Variants in TMEM39A observed in about 807,000 individuals in gnomAD.
The protein encoded by TMEM39A is suppressor of SQST-1 aggregates in rpl-43 mutants.
A neutral mutation model predicts 51.9 loss-of-function variants in TMEM39A; 19 were observed. The observed-to-expected ratio is 0.37, with a 90% CI of 0.26 to 0.54. The LOEUF is 0.54. Ranked by LOEUF, TMEM39A falls within the 20% of genes least tolerant of loss-of-function variation. The pLI, the probability that TMEM39A is intolerant of heterozygous loss-of-function variation, is 0.88. For missense variants in TMEM39A, 433 were observed against 590.5 expected (o/e 0.73, Z 2.76); for synonymous variants, 197 against 220.2 (o/e 0.89, Z 0.93).
At position 119,438,033 on chromosome 3, in the gene TMEM39A, T is replaced by C. The variant is rs749783110; in HGVS notation, c.646A>G (p.Asn216Asp). 6.8e-6 allele frequency: 11 copies of C among 1,611,086 alleles called. No homozygotes were observed. The highest frequency in any genetic ancestry group is 9.3e-6 in the Non-Finnish European group (11 of 1,177,520). The change falls in exon 6 of 9, where the codon AAC (asparagine) becomes GAC (aspartate). Residue 216 changes from asparagine to aspartate, a missense_variant. This residue lies in a region of TMEM39A where 40 missense variants were observed against 22.6 expected (regional missense o/e 1.77). Coordinates refer to ENST00000319172, the MANE Select transcript of TMEM39A (RefSeq NM_018266.3). ...SRAHLLLTDY[N>D]YVVQHEAVEE... ...ACTGCCTCGTGCTGAACCACATAGT[T>C]GTAGTCTGTGAGAAGAAGATGTGCT...
intron 4 of TMEM39A, among the ~76,000 whole-genome samples, chr3:119,450,871 A>G (rs1034913620): frequency 6.7e-6 from 1 of 149,886 alleles, no homozygotes; most frequent in Admixed American, 6.6e-5. Context: ...GCCTATTCCA[A>G]CTAAGGCTAT....
intron 8 of TMEM39A, among the ~76,000 whole-genome samples, chr3:119,433,893 C>G (rs2080931792): frequency 6.6e-6 from 1 of 152,208 alleles, no homozygotes. Context: ...GTTCCCAAAA[C>G]TTAATTGAAG....
rs2080883561 is a variant in TMEM39A at position 119,430,389 on chromosome 3, CTACTACCAGGGAATGTTATAT to C, written c.*1571_*1591del. On this transcript the variant is annotated 3_prime_UTR_variant, in exon 9 of 9. Transcript: ENST00000319172. ...TGATTTCCCTTTGCTACACTTATCA[CTACTACCAGGGAATGTTATAT>C]TACACATAAATTTATTTGCTGTATT... The C allele has an allele frequency of 6.6e-6, 1 of 152,076 alleles. No individual in the cohort carries two copies. Among genetic ancestry groups the C allele is most frequent in the African/African-American group, 2.4e-5 (1 of 41,414 alleles). 9.4% of individuals were successfully genotyped at this position (152,076 alleles called of 1,614,324 possible).
intron 3 of TMEM39A, among the ~76,000 whole-genome samples, chr3:119,457,154 T>A (rs1675065489): frequency 6.6e-6 from 1 of 151,918 alleles, no homozygotes; most frequent in South Asian, 2.1e-4. Context: ...ATATTTTTAA[T>A]GGAGACAGGG....
chr3:119,457,358 A>G (rs2081280072), intron 3 of TMEM39A, among the ~76,000 whole-genome samples: 1 of 152,164 alleles, frequency 6.6e-6, no homozygotes, highest in Admixed American at 6.5e-5. Flanking sequence ...CAATTTCTCA[A>G]TTTCACTTCC....
Position 119,436,994 on chromosome 3 carries a change from A to C in TMEM39A, c.925-16T>G. The C allele has an allele frequency of 6.2e-7, 1 of 1,603,286 alleles. No homozygotes were observed. Among genetic ancestry groups the C allele is most frequent in the Non-Finnish European group, 8.5e-7 (1 of 1,171,472 alleles). ...ACTGGGTACTCTGGAAGAGATCAGA[A>C]GAGAGAGAAATGATCCATGCACTGG... is the stretch of plus-strand genomic sequence containing the variant. On this transcript the variant is annotated splice_polypyrimidine_tract_variant and intron_variant, in intron 6 of 8. Coordinates refer to ENST00000319172, the MANE Select transcript of TMEM39A (RefSeq NM_018266.3).
chr3:119,449,296 G>A (rs538952325), intron 4 of TMEM39A, among the ~76,000 whole-genome samples: 9 of 152,214 alleles, frequency 5.9e-5, no homozygotes, highest in South Asian at 4.2e-4. Flanking sequence ...GTCTTTGGCC[G>A]GGTGCAATGG....
intron 2 of TMEM39A, 31 bp from the exon 3 acceptor site, chr3:119,458,271 G>C: frequency 6.3e-7 from 1 of 1,576,288 alleles, no homozygotes; most frequent in Non-Finnish European, 8.7e-7. Flanking sequence ...TAACTCAAAT[G>C]GTGATAACCT....
chr3:119,435,993 G>A, intron 7 of TMEM39A: 1 of 1,226,648 alleles, frequency 8.2e-7, no homozygotes, highest in Non-Finnish European at 1.1e-6. Flanking sequence ...GAGAGGGAAA[G>A]GGAAGGTCAC....
chr3:119,437,376 C>T (rs2080984155), intron 6 of TMEM39A, among the ~76,000 whole-genome samples: 1 of 151,970 alleles, frequency 6.6e-6, no homozygotes, highest in Admixed American at 6.6e-5. Flanking sequence ...TAGATAAGGG[C>T]TAGATTAAAT....
intron 7 of TMEM39A, chr3:119,435,607 C>T: frequency 1.0e-6 from 1 of 982,204 alleles, no homozygotes; most frequent in Non-Finnish European, 1.2e-6. Context: ...TAAGTTAATT[C>T]ATCTCTTCCT....
At position 119,462,003 on chromosome 3, in the gene TMEM39A, C is replaced by T; in HGVS notation, c.72G>A (p.Leu24=). 1 of 1,614,144 alleles carries T rather than the reference C, an allele frequency of 6.2e-7. No homozygotes were observed. The highest frequency in any genetic ancestry group is 8.5e-7 in the Non-Finnish European group (1 of 1,180,004). The stretch of plus-strand genomic sequence containing the variant: ...TTCCATTGCCACAGCCTCCACCAAC[C>T]AAAGTCTGCAAAGAAGGTAAAGCTG... The part of the protein sequence containing the change: ...SRSALPSLQT[L]VGGGCGNGTG... The change falls in exon 2 of 9, where the codon TTG becomes TTA. Residue 24 remains leucine (L), a synonymous_variant. Transcript: ENST00000319172.
In TMEM39A at chr3:119,430,611, A is replaced by T. The variant is rs983610845; in HGVS notation, c.*1370T>A. The T allele has an allele frequency of 2.4e-4, 37 of 151,440 alleles. No homozygotes were observed. The Admixed American group carries it at 2.4e-3, about 10-fold the overall frequency. 9.4% of individuals were successfully genotyped at this position (151,440 alleles called of 1,614,324 possible). A position where few individuals can be genotyped will look rare whatever the true frequency, so the allele number is the denominator to read the frequency against. On this transcript the variant is annotated 3_prime_UTR_variant, in exon 9 of 9. Transcript: ENST00000319172. ...ACTGAATGCCAAATAATGTTAACTT[A>T]AAAAAAAAGTATACACATCAAAATA...
At chr3:119,451,590 G>T (rs1399634599) in intron 4 of TMEM39A, among the ~76,000 whole-genome samples, 2 of 152,154 alleles carry the variant, frequency 1.3e-5, no homozygotes, top group African/African-American at 4.8e-5. Flanking sequence ...CAGCACTTCG[G>T]GAGGCCGAGG....
intron 3 of TMEM39A, among the ~76,000 whole-genome samples, chr3:119,453,003 T>C (rs2081220022): frequency 6.6e-6 from 1 of 152,212 alleles, no homozygotes; most frequent in Non-Finnish European, 1.5e-5. Flanking sequence ...ATTATACTCA[T>C]TTAGTGTTTC....
In TMEM39A at chr3:119,435,501, T is replaced by G. The variant is rs1005571429; in HGVS notation, c.1113-619A>C. On this transcript the variant is annotated intron_variant, in intron 7 of 8. Transcript: ENST00000319172. ...AGAGGTTTCTCTGGGGGAAAAGAAG[T>G]TACAGAAGCAGCAGCTTCATTCTTT... The G allele has an allele frequency of 1.2e-5, 12 of 985,004 alleles. No homozygotes were observed. In the East Asian group the frequency reaches 1.3e-3, roughly 103 times the overall value. The allele number at this position is 985,004 out of a possible 1,614,324, so 61.0% of individuals were successfully genotyped here.
intron 2 of TMEM39A, among the ~76,000 whole-genome samples, chr3:119,459,460 G>A (rs1659660782): frequency 2.0e-5 from 3 of 152,170 alleles, no homozygotes; most frequent in East Asian, 1.9e-4. Context: ...ATTTGGACAC[G>A]TTCAGGTGAT....
In TMEM39A at chr3:119,462,032, G is replaced by A; in HGVS notation, c.43C>T (p.Arg15Cys). ...RRGPSRQQLS[R>C]SALPSLQTLV... ...GTCTGCAAAGAAGGTAAAGCTGAACGGCTTAGCTGTTGCCGACTAGGGCCC... is the reference window on the plus strand; with the variant it reads ...GTCTGCAAAGAAGGTAAAGCTGAACAGCTTAGCTGTTGCCGACTAGGGCCC... The change falls in exon 2 of 9, where the codon CGT (arginine) becomes TGT (cysteine). Residue 15 changes from arginine to cysteine, a missense_variant. Coordinates refer to ENST00000319172, the MANE Select transcript of TMEM39A (RefSeq NM_018266.3). 6.2e-7 allele frequency: 1 copy of A among 1,614,152 alleles called. No homozygotes were observed. Among genetic ancestry groups the A allele is most frequent in the South Asian group, 1.1e-5 (1 of 91,080 alleles).
chr3:119,433,542 C>T (rs1483749706), intron 8 of TMEM39A, among the ~76,000 whole-genome samples: 1 of 152,134 alleles, frequency 6.6e-6, no homozygotes, highest in East Asian at 1.9e-4. Context: ...GATTTTTCAG[C>T]TGTCCAAAGC....
Sources: allele counts gnomAD v4.1 joint callset (sites outside exome capture counted in the v4.1 genomes callset), GRCh38; gene constraint gnomAD v4.1.1; regional missense constraint gnomAD v4.1.1; transcripts MANE v1.5; gene names NCBI Gene and HGNC (gene_info 2026-07-23, HGNC 2026-07-21).